CDHR2: variants seen among roughly 807,000 people sequenced by gnomAD.
CDHR2 encodes cadherin related family member 2, also known as cadherin-related family member 2.
A neutral mutation model predicts 138.6 loss-of-function variants in CDHR2; 104 were observed. That is an observed-to-expected ratio of 0.75 (90% CI 0.64 to 0.88). CDHR2 has a LOEUF of 0.88. CDHR2 is among the 40% of genes least tolerant of loss of function. The probability of loss-of-function intolerance (pLI) is 0.00; values close to 1 mark genes in which losing one functional copy is unlikely to be tolerated. For missense variants in CDHR2, 1,624 were observed against 1,727.6 expected, an observed-to-expected ratio of 0.94 and a Z score of 1.06; for synonymous variants, 755 against 742.8, an observed-to-expected ratio of 1.02 and a Z score of -0.27.
At chr5:176,577,907 G>A (rs933998983) in intron 14 of CDHR2, 109 bp downstream of exon 14, 2 of 1,476,796 alleles carry the variant, frequency 1.4e-6, no homozygotes, top group Non-Finnish European at 1.9e-6. Context: ...GGCCATGAGT[G>A]AATCTGAGTG....
rs1381360778 is a variant in CDHR2, at chr5:176,571,343, C to G, written c.405+41C>G. 5 of 1,434,710 alleles carry G rather than the reference C, an allele frequency of 3.5e-6. No homozygotes were observed. In the African/African-American group the frequency reaches 5.7e-5, roughly 16 times the overall value. 88.9% of individuals were successfully genotyped at this position (1,434,710 alleles called of 1,614,324 possible). A position where few individuals can be genotyped will look rare whatever the true frequency, so the allele number is the denominator to read the frequency against. ...ATGTGGTTGTGGGGCAGGGGGCATC[C>G]CAAAGTGCTTCTCAGAGTAGGAAGA... On this transcript the variant is annotated intron_variant, in intron 6 of 31. Coordinates refer to ENST00000261944, the MANE Select transcript of CDHR2 (RefSeq NM_017675.6).
Position 176,584,644 on chromosome 5 carries a change from G to T in CDHR2, c.2363G>T (p.Gly788Val), listed in dbSNP as rs771657562. 6 of 1,612,550 alleles carry T rather than the reference G, an allele frequency of 3.7e-6. No individual in the cohort carries two copies. The African/African-American group carries it at 4.0e-5, about 11-fold the overall frequency. The change falls in exon 19 of 32, where the codon GGT becomes GTT. Residue 788 changes from glycine to valine, a missense_variant. By Grantham distance (109) the Gly-to-Val change is moderately radical (BLOSUM62 -3). Transcript: ENST00000261944. ...GCTGAGAACCCAGACCCCCAGGGGG[G>T]TGAGACCATAGTAGACGTCTGCGTG... ...VSAENPDPQG[G>V]ETIVDVCVNV...
chr5:176,584,471 C>T lies in CDHR2; in HGVS notation c.2190C>T (p.Ile730=), dbSNP rs1581146821. 1 of 1,610,622 alleles carries T rather than the reference C, an allele frequency of 6.2e-7. No individual in the cohort carries two copies. Among genetic ancestry groups the T allele is most frequent in the African/African-American group, 1.3e-5 (1 of 75,018 alleles). ...ACCAGACGGAAGCCAACAACCGCAT[C>T]AGCTTCAGCCTGTCGGGGAGTGGTG... ...DADQTEANNR[I]SFSLSGSGAN... Residue 730 remains isoleucine (I), a synonymous_variant, in exon 19 of 32, where the codon ATC becomes ATT. Coordinates refer to ENST00000261944, the MANE Select transcript of CDHR2 (RefSeq NM_017675.6).
upstream of CDHR2, among the ~76,000 whole-genome samples, chr5:176,545,852 C>T (rs751035545): frequency 6.6e-6 from 1 of 152,260 alleles, no homozygotes; most frequent in Non-Finnish European, 1.5e-5. Flanking sequence ...CCCAGGCTGC[C>T]TTGTGGCAGG....
intron 1 of CDHR2, chr5:176,556,582 A>G (rs1757830827): frequency 6.6e-6 from 1 of 152,228 alleles, no homozygotes; most frequent in Admixed American, 6.5e-5. Context: ...GGAGAATGGC[A>G]TCAACCCGGG....
chr5:176,564,694 C>G (rs1303917392), intron 1 of CDHR2, among the ~76,000 whole-genome samples: 2 of 152,074 alleles, frequency 1.3e-5, no homozygotes, highest in African/African-American at 4.8e-5. Flanking sequence ...CTAGACCCAC[C>G]TGACTGGGGA....
chr5:176,574,121 C>G lies in CDHR2; in HGVS notation c.444C>G (p.Ala148=). The G allele has an allele frequency of 6.2e-7, 1 of 1,614,038 alleles. No individual in the cohort carries two copies. The highest frequency in any genetic ancestry group is 2.2e-5 in the East Asian group (1 of 44,866). Residue 148 remains alanine, a synonymous_variant, in exon 7 of 32, where the codon GCC becomes GCG. Coordinates refer to ENST00000261944, the MANE Select transcript of CDHR2 (RefSeq NM_017675.6). The part of the protein sequence containing the change: ...PVGSVVFSVL[A]VDKDMGSAGM... Reference sequence around the variant, plus strand: ...GCAGTGTGGTGTTCTCCGTGCTGGCCGTGGATAAAGACATGGGGTCTGCAG... The same window carrying G: ...GCAGTGTGGTGTTCTCCGTGCTGGCGGTGGATAAAGACATGGGGTCTGCAG...
intron 1 of CDHR2, among the ~76,000 whole-genome samples, chr5:176,558,951 T>C (rs1257389119): frequency 6.6e-6 from 1 of 152,228 alleles, no homozygotes; most frequent in Non-Finnish European, 1.5e-5. Flanking sequence ...CTCTGTTCCA[T>C]GGTGTCTGGG....
intron 5 of CDHR2, among the ~76,000 whole-genome samples, chr5:176,570,741 C>T (rs1758205856): frequency 6.6e-6 from 1 of 152,122 alleles, no homozygotes; most frequent in Non-Finnish European, 1.5e-5. Context: ...CACCTGAGGT[C>T]GGGAGTTCAA....
chr5:176,578,899 T>A (rs1444357373), intron 16 of CDHR2, among the ~76,000 whole-genome samples: 1 of 152,090 alleles, frequency 6.6e-6, no homozygotes, highest in Non-Finnish European at 1.5e-5. Context: ...CAAAAAGGAC[T>A]TGAGGTGGCT....
intron 5 of CDHR2, among the ~76,000 whole-genome samples, chr5:176,570,964 AAT>A (rs1459868457): frequency 2.1e-5 from 3 of 143,762 alleles, no homozygotes; most frequent in East Asian, 4.2e-4. Flanking sequence ...AAAAAAAAAA[AAT>A]TAACTAATGA....
At chr5:176,557,005 TCTC>T in intron 1 of CDHR2, among the ~76,000 whole-genome samples, 1 of 12,200 alleles carries the variant, frequency 8.2e-5, no homozygotes, top group Middle Eastern at 0.17. Context: ...CTTCTTTCTC[TCTC>T]TCTCTCTCTT....
rs1758370481 is a variant in CDHR2 at position 176,575,983 on chromosome 5, A to G, written c.992A>G (p.Gln331Arg). The change falls in exon 12 of 32, where the codon CAG becomes CGG. Residue 331 changes from glutamine (Q) to arginine (R), a missense_variant. By Grantham distance (43) the Gln-to-Arg change is conservative. This residue lies in a region of CDHR2 where 1,061 missense variants were observed against 1,136.6 expected (regional missense o/e 0.93). Transcript: ENST00000261944. ...ATETHLNIYGQEAKVSIWVTV... is the reference protein window; with the variant it reads ...ATETHLNIYGREAKVSIWVTV... ...GAGACACACCTCAACATCTACGGGC[A>G]GGAGGCCAAGGTGAGCATCTGGGTG... 1.9e-6 allele frequency: 3 copies of G among 1,613,482 alleles called. No individual in the cohort carries two copies. The highest frequency in any genetic ancestry group is 2.5e-6 in the Non-Finnish European group (3 of 1,179,922).
At chr5:176,593,336 C>G (rs952813926) in intron 31 of CDHR2, among the ~76,000 whole-genome samples, 3 of 152,216 alleles carry the variant, frequency 2.0e-5, no homozygotes, top group African/African-American at 7.2e-5. Flanking sequence ...CCAGGTCACA[C>G]CCAGGTCCAT....
intron 7 of CDHR2, 82 bp downstream of exon 7, chr5:176,574,254 TG>T: frequency 9.5e-7 from 1 of 1,050,572 alleles, no homozygotes; most frequent in African/African-American, 1.6e-5. Flanking sequence ...GCCTGAACGT[TG>T]GGGTGGGGAC....
Position 176,584,561 on chromosome 5 carries a change from GC to G in CDHR2, c.2285del (p.Pro762ArgfsTer3). 6.2e-7 allele frequency: 1 copy of G among 1,611,474 alleles called. No individual in the cohort carries two copies. Among genetic ancestry groups the G allele is most frequent in the Non-Finnish European group, 8.5e-7 (1 of 1,178,412 alleles). Reference sequence around the variant, plus strand: ...GGTGGGCTGAGGGCTACCTCCGGCTGCCCCCGGACGTGAGCCTGGATTACGA... The same window carrying G: ...GGTGGGCTGAGGGCTACCTCCGGCTGCCCCGGACGTGAGCCTGGATTACGA... Reference protein sequence around the residue: ...AGWAEGYLRLPPDVSLDYETQ... With the variant: ...AGWAEGYLRLXPDVSLDYETQ... On this transcript the variant is annotated frameshift_variant, in exon 19 of 32. Transcript: ENST00000261944. LOFTEE classifies it high-confidence loss of function.
chr5:176,544,761 G>A (rs1395950801), upstream of CDHR2, among the ~76,000 whole-genome samples: 1 of 152,156 alleles, frequency 6.6e-6, no homozygotes, highest in African/African-American at 2.4e-5. Context: ...AGGGTGGGAG[G>A]CTGTGAGTCT....
At position 176,575,601 on chromosome 5, in the gene CDHR2, AG is replaced by A; in HGVS notation, c.844+22del. ...TCTCCTGTGAGAACGGGGTGTCCCC[AG>A]GCCAGGGCTGGGCCGGGGCCAGGGT... On this transcript the variant is annotated intron_variant, in intron 10 of 31. Transcript: ENST00000261944. 1 of 1,612,340 alleles carries A rather than the reference AG, an allele frequency of 6.2e-7. No individual in the cohort carries two copies. The highest frequency in any genetic ancestry group is 8.5e-7 in the Non-Finnish European group (1 of 1,178,380).
Position 176,589,573 on chromosome 5 carries a change from A to G in CDHR2, c.3163A>G (p.Thr1055Ala). 6.2e-7 allele frequency: 1 copy of G among 1,613,938 alleles called. No homozygotes were observed. The highest frequency in any genetic ancestry group is 8.5e-7 in the Non-Finnish European group (1 of 1,180,004). The change falls in exon 24 of 32, where the codon ACA becomes GCA. Residue 1055 changes from threonine (T) to alanine (A), a missense_variant. Thr to Ala is a moderately conservative substitution (Grantham distance 58, BLOSUM62 0). Around this residue, in one of 3 missense-constraint regions of CDHR2, gnomAD observed 556 missense variants for 565.7 expected, o/e 0.98. Transcript: ENST00000261944. ...TTACCGCTCGCGGCTGCAGTTCTCC[A>G]CACCGAAGGAGGAGGTGGGCGCCAA... ...QSYRSRLQFS[T>A]PKEEVGANRQ...
Sources: allele counts gnomAD v4.1 joint callset (sites outside exome capture counted in the v4.1 genomes callset), GRCh38; gene constraint gnomAD v4.1.1; regional missense constraint gnomAD v4.1.1; transcripts MANE v1.5; gene names NCBI Gene and HGNC (gene_info 2026-07-23, HGNC 2026-07-21).